The following GART variants were observed in gnomAD, a reference collection of about 807,000 sequenced individuals.
The protein encoded by GART is phosphoribosylglycinamide formyltransferase, phosphoribosylglycinamide synthetase, phosphoribosylaminoimidazole synthetase.
A neutral mutation model predicts 107.2 loss-of-function variants in GART; 43 were observed. The observed-to-expected ratio is 0.40, with a 90% confidence interval of 0.31 to 0.52. The LOEUF (loss-of-function observed/expected upper bound fraction) is 0.52. Ranked by LOEUF, GART falls within the 20% of genes least tolerant of loss-of-function variation. The pLI is 0.52. For synonymous variants in GART, 434 were observed against 427.0 expected (o/e 1.02, Z -0.20); for missense variants, 1,107 against 1,206.5 (o/e 0.92, Z 1.22).
chr21:33,535,344 A>C (rs1454268033), intron 2 of GART, 24 bp from the exon 3 acceptor site: 12 of 1,400,070 alleles, frequency 8.6e-6, no homozygotes, highest in Middle Eastern at 1.9e-4. Flanking sequence ...AAAAAAAAAA[A>C]AAACCACTGC....
chr21:33,524,344 T>C lies in GART; in HGVS notation c.1298+425A>G, dbSNP rs1601201811. The C allele has an allele frequency of 7.0e-6, 6 of 857,428 alleles. No homozygotes were observed. The African/African-American group carries it at 9.3e-5, about 13-fold the overall frequency. 53.1% of individuals were successfully genotyped at this position (857,428 alleles called of 1,614,324 possible). Reference sequence around the variant, plus strand: ...GCAGGAGGATCACTTGAGCCCAGGATTTCAGACTGGCCTTGGCAACATGGT... The same window carrying C: ...GCAGGAGGATCACTTGAGCCCAGGACTTCAGACTGGCCTTGGCAACATGGT... On this transcript the variant is annotated intron_variant, in intron 11 of 21. Transcript: ENST00000381815.
intron 7 of GART, among the ~76,000 whole-genome samples, chr21:33,529,404 C>T (rs2085138737): frequency 6.6e-6 from 1 of 151,652 alleles, no homozygotes; most frequent in Non-Finnish European, 1.5e-5. Flanking sequence ...CTGTGCCTGG[C>T]CTACACTTAT....
At chr21:33,540,981 G>A (rs1277196973) in intron 1 of GART, among the ~76,000 whole-genome samples, 3 of 151,458 alleles carry the variant, frequency 2.0e-5, no homozygotes, top group African/African-American at 7.3e-5. Flanking sequence ...AAGCAATTTT[G>A]CTTCAGATTC....
intron 2 of GART, among the ~76,000 whole-genome samples, chr21:33,536,264 T>C (rs768085517): frequency 1.3e-5 from 2 of 152,182 alleles, no homozygotes; most frequent in Non-Finnish European, 2.9e-5. Context: ...AAGAGGAACC[T>C]GTCTTCTCCA....
Position 33,530,834 on chromosome 21 carries a change from C to A in GART, c.648G>T (p.Gln216His). Residue 216 changes from glutamine to histidine, a missense_variant, in exon 7 of 22, where the codon CAG becomes CAT. By Grantham distance (24) the Gln-to-His change is conservative (BLOSUM62 0). Transcript: ENST00000381815. ...GKTVAPMPPAQDHKRLLEGDG... is the reference protein window; with the variant it reads ...GKTVAPMPPAHDHKRLLEGDG... ...CTCCCTCCAGTAATCGCTTATGGTC[C>A]TGTGCTGGGGGCATGGGGGCCACAG... 6.5e-7 allele frequency: 1 copy of A among 1,543,314 alleles called. No homozygotes were observed.
At chr21:33,512,383 T>A (rs2084801194) in intron 16 of GART, among the ~76,000 whole-genome samples, 2 of 150,718 alleles carry the variant, frequency 1.3e-5, no homozygotes. Flanking sequence ...AAGGTCTATA[T>A]ACACACACAC....
intron 2 of GART, among the ~76,000 whole-genome samples, chr21:33,535,527 G>A (rs571117720): frequency 6.6e-4 from 101 of 152,170 alleles, no homozygotes; most frequent in Middle Eastern, 3.4e-3. Context: ...TCAGTTCTCC[G>A]TTATCATTGT....
rs2084961803 is a variant in GART at position 33,520,941 on chromosome 21, C to T, written c.1468G>A (p.Ala490Thr). The change falls in exon 13 of 22, where the codon GCC (alanine) becomes ACC (threonine). Residue 490 changes from alanine to threonine, a missense_variant. Transcript: ENST00000381815. ...GTTCCAACGCCATCTGTTCCAGAGG[C>T]CAGAAGGGGATCTTTGAAACCAGCT... ...KAAGFKDPLL[A>T]SGTDGVGTKL... is the part of the protein sequence containing the mutation. 2.5e-6 allele frequency: 4 copies of T among 1,613,866 alleles called. No individual in the cohort carries two copies. Among genetic ancestry groups the T allele is most frequent in the Non-Finnish European group, 3.4e-6 (4 of 1,179,952 alleles).
chr21:33,507,414 C>T (rs568337387), intron 18 of GART, among the ~76,000 whole-genome samples: 26 of 152,060 alleles, frequency 1.7e-4, no homozygotes, highest in South Asian at 1.0e-3. Context: ...GTGGGAGAGA[C>T]GGGGAGAGGG....
intron 16 of GART, among the ~76,000 whole-genome samples, chr21:33,513,823 T>A (rs1267780282): frequency 6.6e-6 from 1 of 152,240 alleles, no homozygotes; most frequent in Non-Finnish European, 1.5e-5. Flanking sequence ...ACATATTTAA[T>A]GGCAGGGCAA....
intron 18 of GART, among the ~76,000 whole-genome samples, chr21:33,508,093 G>A (rs1394730786): frequency 6.6e-6 from 1 of 152,136 alleles, no homozygotes. Flanking sequence ...AGATATTCCT[G>A]GATAGCCTCC....
rs554416036 is a variant in GART, at chr21:33,520,402, A to G, written c.1664T>C (p.Ile555Thr). ...TCCAGCTTTTCCACAAGCTTTAGCA[A>G]TTCCAGCAACAACAGCTTCAGTTAC... The part of the protein sequence containing the change: ...LSVTEAVVAG[I>T]AKACGKAGCA... Residue 555 changes from isoleucine to threonine, a missense_variant, in exon 14 of 22, where the codon ATT becomes ACT. Transcript: ENST00000381815. The G allele has an allele frequency of 2.1e-5, 34 of 1,614,168 alleles. No individual in the cohort carries two copies. In the South Asian group the frequency reaches 3.0e-4, roughly 14 times the overall value.
intron 10 of GART, among the ~76,000 whole-genome samples, chr21:33,526,067 C>T (rs1216458380): frequency 4.0e-5 from 6 of 151,602 alleles, no homozygotes; most frequent in Non-Finnish European, 7.4e-5. Context: ...GACAGGGTTT[C>T]ACCGTGTTAG....
At chr21:33,542,789 A>G (rs1428907433), upstream of GART, 17 of 454,570 alleles carry the variant, frequency 3.7e-5, no homozygotes, top group Non-Finnish European at 2.8e-5. Flanking sequence ...CTGACAACTT[A>G]TGCGGACACG....
In GART at chr21:33,534,736, T is replaced by A. The variant is rs2085272335; in HGVS notation, c.259A>T (p.Arg87Trp). ...PLAAGIVGNL[R>W]SAGVQCFGPT... ...CCAAAGCATTGCACTCCTGCAGACC[T>A]CAGGTTCCCAACAATCCCTATTGAT... is the stretch of plus-strand genomic sequence containing the variant. The change falls in exon 4 of 22, where the codon AGG becomes TGG. Residue 87 changes from arginine (R) to tryptophan (W), a missense_variant. Arg to Trp is a moderately radical substitution (Grantham distance 101, BLOSUM62 -3). Coordinates refer to ENST00000381815, the MANE Select transcript of GART (RefSeq NM_000819.5). 2 of 1,592,596 alleles carry A rather than the reference T, an allele frequency of 1.3e-6. No individual in the cohort carries two copies. Among genetic ancestry groups the A allele is most frequent in the Non-Finnish European group, 1.7e-6 (2 of 1,171,466 alleles).
chr21:33,518,833 C>A, intron 14 of GART: 1 of 531,416 alleles, frequency 1.9e-6, no homozygotes, highest in Non-Finnish European at 3.7e-6. Context: ...CTGCACCAAG[C>A]TGGTTTAAGA....
intron 11 of GART, 105 bp from the exon 12 acceptor site, chr21:33,522,387 T>TAA: frequency 2.3e-6 from 2 of 864,090 alleles, no homozygotes; most frequent in Non-Finnish European, 3.6e-6. Flanking sequence ...TCACATACCC[T>TAA]AAAGTGCTTA....
chr21:33,516,544 G>A (rs749552638), intron 16 of GART, among the ~76,000 whole-genome samples: 16 of 152,200 alleles, frequency 1.1e-4, no homozygotes, highest in Admixed American at 2.6e-4. Flanking sequence ...TGATGTTACC[G>A]CCTACTCACC....
intron 16 of GART, among the ~76,000 whole-genome samples, chr21:33,512,052 G>A (rs2084793600): frequency 6.6e-6 from 1 of 151,936 alleles, no homozygotes; most frequent in Non-Finnish European, 1.5e-5. Flanking sequence ...TTGAGAGGCT[G>A]AGGTGGGCGG....
Sources: allele counts gnomAD v4.1 joint callset (sites outside exome capture counted in the v4.1 genomes callset), GRCh38; gene constraint gnomAD v4.1.1; transcripts MANE v1.5; gene names NCBI Gene and HGNC (gene_info 2026-07-23, HGNC 2026-07-21).